Variants in CAST observed in about 807,000 individuals in gnomAD.
The protein encoded by CAST is calpastatin, also known as MIR583 host.
A neutral mutation model predicts 119.6 loss-of-function variants in CAST; 76 were observed. That is an observed-to-expected ratio of 0.64 (90% CI 0.53 to 0.77). CAST has a LOEUF of 0.77. Ranked by LOEUF, CAST falls within the 30% of genes least tolerant of loss-of-function variation. The pLI is 0.00. For synonymous variants in CAST, 319 were observed against 331.6 expected, an observed-to-expected ratio of 0.96 and a Z score of 0.41; for missense variants, 953 against 946.5, an observed-to-expected ratio of 1.01 and a Z score of -0.09.
chr5:96,377,479 T>A, the CAST span, among the ~76,000 whole-genome samples: 1 of 152,184 alleles, frequency 6.6e-6, no homozygotes, highest in Non-Finnish European at 1.5e-5. Flanking sequence ...TTTAGATATG[T>A]CTAGATATAA....
At chr5:96,142,461 C>T in the CAST span, among the ~76,000 whole-genome samples, 15 of 152,274 alleles carry the variant, frequency 9.9e-5, 1 homozygote, top group African/African-American at 2.9e-4. Flanking sequence ...CATCGACTAA[C>T]ACTTTATTCT....
chr5:96,034,512 T>TCACAC, the CAST span, among the ~76,000 whole-genome samples: 44 of 17,480 alleles, frequency 2.5e-3, 1 homozygote, highest in South Asian at 6.4e-3. Context: ...CACACATATG[T>TCACAC]GTGTGTGTAT....
intron 3 of CAST, among the ~76,000 whole-genome samples, chr5:96,713,475 A>G (rs1340752467): frequency 6.6e-6 from 1 of 152,020 alleles, no homozygotes; most frequent in Non-Finnish European, 1.5e-5. Flanking sequence ...CAATAACCAT[A>G]TATGCTTTAG....
chr5:96,727,867 A>ATCCAAT (rs1759572216), intron 6 of CAST, among the ~76,000 whole-genome samples: 2 of 152,238 alleles, frequency 1.3e-5, no homozygotes, highest in Admixed American at 6.5e-5. Flanking sequence ...AGTAATGAAT[A>ATCCAAT]TCCAATTCCA....
At chr5:96,258,181 G>A in the CAST span, among the ~76,000 whole-genome samples, 1 of 152,098 alleles carries the variant, frequency 6.6e-6, no homozygotes, top group African/African-American at 2.4e-5. Context: ...CGTAACTTTG[G>A]TTTCTTTTCA....
chr5:96,281,391 G>A, the CAST span, among the ~76,000 whole-genome samples: 47,175 of 152,032 alleles, frequency 0.31, 7,632 homozygotes, highest in Admixed American at 0.41. Flanking sequence ...TGCTCAGGCA[G>A]TGTCTCTGTG....
the CAST span, among the ~76,000 whole-genome samples, chr5:96,275,660 A>G: frequency 1.1e-4 from 17 of 152,262 alleles, no homozygotes; most frequent in Non-Finnish European, 1.9e-4. Context: ...ATTTTGAAGG[A>G]CACAGGTAAT....
the CAST span, among the ~76,000 whole-genome samples, chr5:96,205,479 C>T: frequency 6.6e-6 from 1 of 151,990 alleles, no homozygotes; most frequent in South Asian, 2.1e-4. Context: ...CCACCCTGCA[C>T]AAGTAGGCCT....
At chr5:96,698,770 A>T (rs553706514) in intron 3 of CAST, among the ~76,000 whole-genome samples, 1 of 152,230 alleles carries the variant, frequency 6.6e-6, no homozygotes, top group South Asian at 2.1e-4. Context: ...AGAGTGGTAG[A>T]TAGAATTGGA....
At chr5:96,314,371 G>A in the CAST span, among the ~76,000 whole-genome samples, 1 of 152,098 alleles carries the variant, frequency 6.6e-6, no homozygotes, top group Admixed American at 6.6e-5. Context: ...GTGATCACTT[G>A]CTTTTGTTAG....
the CAST span, among the ~76,000 whole-genome samples, chr5:96,373,118 G>C: frequency 6.6e-6 from 1 of 152,080 alleles, no homozygotes; most frequent in African/African-American, 2.4e-5. Context: ...TGACAGGCAG[G>C]ATTGTCTTAC....
chr5:96,580,038 A>T (rs754666045), intron 1 of CAST, among the ~76,000 whole-genome samples: 1 of 152,244 alleles, frequency 6.6e-6, no homozygotes, highest in Non-Finnish European at 1.5e-5. Flanking sequence ...GTACTTCCAC[A>T]TACATAGATA....
At chr5:96,325,627 A>C in the CAST span, among the ~76,000 whole-genome samples, 1 of 151,824 alleles carries the variant, frequency 6.6e-6, no homozygotes, top group African/African-American at 2.4e-5. Flanking sequence ...CTACAGGTGC[A>C]TGCTACCACG....
chr5:96,394,781 C>T, the CAST span: 1 of 1,286,284 alleles, frequency 7.8e-7, no homozygotes, highest in Non-Finnish European at 1.1e-6. Flanking sequence ...TTATTTCCTG[C>T]TTGGAAGTTG....
chr5:96,398,914 C>G, the CAST span: 1 of 1,613,752 alleles, frequency 6.2e-7, no homozygotes. Flanking sequence ...AAGGTCTCCT[C>G]TTCGGGAATA....
At chr5:96,372,297 CA>C in the CAST span, among the ~76,000 whole-genome samples, 2 of 152,172 alleles carry the variant, frequency 1.3e-5, no homozygotes, top group African/African-American at 2.4e-5. Flanking sequence ...CTCTGTTCTT[CA>C]GTCCTTTATT....
At chr5:96,325,462 T>TTTA in the CAST span, among the ~76,000 whole-genome samples, 3 of 150,974 alleles carry the variant, frequency 2.0e-5, no homozygotes, top group African/African-American at 7.3e-5. Context: ...TCTTTTATTT[T>TTTA]TTTATTTATT....
chr5:96,364,559 T>C, the CAST span, among the ~76,000 whole-genome samples: 1 of 152,242 alleles, frequency 6.6e-6, no homozygotes, highest in African/African-American at 2.4e-5. Context: ...TGGGAGGATG[T>C]ATGCGTTCAG....
the CAST span, among the ~76,000 whole-genome samples, chr5:96,223,626 T>G: frequency 1.3e-5 from 2 of 152,250 alleles, no homozygotes; most frequent in Admixed American, 1.3e-4. Flanking sequence ...CCTCCAAGAC[T>G]GTGAATGAAT....
Sources: allele counts gnomAD v4.1 joint callset (sites outside exome capture counted in the v4.1 genomes callset), GRCh38; gene constraint gnomAD v4.1.1; transcripts MANE v1.5; gene names NCBI Gene and HGNC (gene_info 2026-07-23, HGNC 2026-07-21).